SYNPR: variants seen among roughly 807,000 people sequenced by gnomAD.
SYNPR encodes the protein synaptoporin.
A neutral mutation model predicts 32.9 loss-of-function variants in SYNPR; 23 were observed. The observed-to-expected ratio is 0.70, with a 90% confidence interval of 0.50 to 0.99. The LOEUF is 0.99. SYNPR is among the 50% of genes least tolerant of loss of function. The pLI is 0.00. For synonymous variants in SYNPR, 146 were observed against 135.9 expected (o/e 1.07, Z -0.52); for missense variants, 318 against 349.3 (o/e 0.91, Z 0.71).
At chr3:63,233,517 A>T (rs1342424694) in intron 1 of SYNPR, among the ~76,000 whole-genome samples, 1 of 152,210 alleles carries the variant, frequency 6.6e-6, no homozygotes, top group Admixed American at 6.5e-5. Flanking sequence ...CACTGCCATT[A>T]CTAAATTCCA....
At chr3:63,330,236 C>T (rs1450380112) in intron 2 of SYNPR, 1 of 152,100 alleles carries the variant, frequency 6.6e-6, no homozygotes, top group African/African-American at 2.4e-5. Context: ...CTAGGTTCTA[C>T]TGGTGCATTC....
chr3:63,361,325 C>A (rs768064995), intron 2 of SYNPR, among the ~76,000 whole-genome samples: 2 of 151,976 alleles, frequency 1.3e-5, no homozygotes, highest in South Asian at 2.1e-4. Context: ...CGGTGGCTCA[C>A]GCCTGTAATC....
intron 2 of SYNPR, chr3:63,351,589 G>A (rs1560201579): frequency 6.6e-6 from 1 of 152,202 alleles, no homozygotes; most frequent in Admixed American, 6.5e-5. Context: ...ACTGAGGAAT[G>A]TTATCTGAGA....
At chr3:63,394,175 C>T (rs150924181) in intron 2 of SYNPR, among the ~76,000 whole-genome samples, 246 of 152,270 alleles carry the variant, frequency 1.6e-3, no homozygotes, top group Non-Finnish European at 2.3e-3. Flanking sequence ...ATAGGACAGA[C>T]CTGAATTCAA....
At chr3:63,397,802 C>T (rs1467257478) in intron 2 of SYNPR, among the ~76,000 whole-genome samples, 1 of 152,134 alleles carries the variant, frequency 6.6e-6, no homozygotes, top group Non-Finnish European at 1.5e-5. Flanking sequence ...ATAGCTTCCT[C>T]AAAAAATACG....
At chr3:63,251,165 T>C (rs930709459) in intron 1 of SYNPR, among the ~76,000 whole-genome samples, 1 of 151,774 alleles carries the variant, frequency 6.6e-6, no homozygotes, top group African/African-American at 2.4e-5. Flanking sequence ...AAAGCAAAAA[T>C]AAAACAAGGA....
intron 3 of SYNPR, among the ~76,000 whole-genome samples, chr3:63,481,320 A>G (rs757636605): frequency 2.6e-5 from 4 of 152,234 alleles, no homozygotes; most frequent in African/African-American, 7.2e-5. Flanking sequence ...TTTGAAATCA[A>G]CAAGAATGAC....
At chr3:63,483,793 G>A (rs1701092559) in intron 3 of SYNPR, among the ~76,000 whole-genome samples, 1 of 152,116 alleles carries the variant, frequency 6.6e-6, no homozygotes, top group South Asian at 2.1e-4. Context: ...AGACAACTCA[G>A]CAATTTGAAG....
chr3:63,386,700 G>T (rs1038016312), intron 2 of SYNPR, among the ~76,000 whole-genome samples: 19 of 151,858 alleles, frequency 1.3e-4, no homozygotes, highest in Non-Finnish European at 2.4e-4. Flanking sequence ...CTCAGTTCTG[G>T]GTGAATGACC....
At chr3:63,595,864 TA>T (rs1699948361) in intron 4 of SYNPR, among the ~76,000 whole-genome samples, 1 of 92,370 alleles carries the variant, frequency 1.1e-5, no homozygotes. Flanking sequence ...TATATAGTTA[TA>T]TATATATAAT....
chr3:63,520,894 G>A (rs1047114636), intron 3 of SYNPR, among the ~76,000 whole-genome samples: 6 of 150,890 alleles, frequency 4.0e-5, no homozygotes, highest in Non-Finnish European at 8.8e-5. Flanking sequence ...AGTCTAGCTT[G>A]ACTAGAGATG....
chr3:63,586,185 TGG>T (rs1349954583), intron 4 of SYNPR, among the ~76,000 whole-genome samples: 1 of 152,110 alleles, frequency 6.6e-6, no homozygotes, highest in East Asian at 1.9e-4. Context: ...GACAGAATAA[TGG>T]GTCTTCAATT....
rs527919492 is a variant in SYNPR at position 63,516,532 on chromosome 3, T to A, written c.209+35576T>A. On this transcript the variant is annotated intron_variant, in intron 3 of 5. Transcript: ENST00000478300. The stretch of plus-strand genomic sequence containing the variant: ...GAATATTAATGCTCCTTGACCATTA[T>A]ACAGTGCAGACATCGTAACCTCTCA... Among the ~76,000 whole-genome samples, 13 of 152,280 alleles carry A rather than the reference T, an allele frequency of 8.5e-5. No homozygotes were observed. In the South Asian group the frequency reaches 2.7e-3, roughly 32 times the overall value.
chr3:63,287,945 G>A (rs552285688), intron 2 of SYNPR, among the ~76,000 whole-genome samples: 5 of 152,260 alleles, frequency 3.3e-5, no homozygotes, highest in Admixed American at 6.5e-5. Flanking sequence ...TTGGGTTCAC[G>A]TCAATGAGCA....
At chr3:63,611,082 G>A (rs1044375444) in intron 5 of SYNPR, among the ~76,000 whole-genome samples, 1 of 152,124 alleles carries the variant, frequency 6.6e-6, no homozygotes, top group Non-Finnish European at 1.5e-5. Flanking sequence ...TGTTTTTGCA[G>A]TCCACTTCTG....
At chr3:63,436,253 G>A (rs4019053) in intron 2 of SYNPR, among the ~76,000 whole-genome samples, 21,243 of 151,256 alleles carry the variant, frequency 0.14, 1,649 homozygotes, top group East Asian at 0.32. Flanking sequence ...ACATATGTAT[G>A]CATGTGCCAG....
rs150299716 is a variant in SYNPR at position 63,298,916 on chromosome 3, A to G, written c.84+20174A>G. On this transcript the variant is annotated intron_variant, in intron 2 of 5. Coordinates refer to ENST00000478300, the MANE Select transcript of SYNPR (RefSeq NM_001130003.2). The stretch of plus-strand genomic sequence containing the variant: ...GCCCCTGTTTGCAAAAGAAGCAGGA[A>G]AATGTAATTTTCAGTTGGCATATTG... Among the ~76,000 whole-genome samples, 200 of 152,284 alleles carry G rather than the reference A, an allele frequency of 1.3e-3. 3 individuals are homozygous for G. The East Asian group carries it at 0.037, about 28-fold the overall frequency.
intron 2 of SYNPR, among the ~76,000 whole-genome samples, chr3:63,367,878 C>A (rs997706581): frequency 1.3e-5 from 2 of 152,130 alleles, no homozygotes; most frequent in Non-Finnish European, 1.5e-5. Flanking sequence ...TGATGATTTT[C>A]TGCAGGAAGT....
At chr3:63,376,812 T>C (rs534118087) in intron 2 of SYNPR, among the ~76,000 whole-genome samples, 1 of 152,214 alleles carries the variant, frequency 6.6e-6, no homozygotes, top group East Asian at 1.9e-4. Flanking sequence ...CTAGTTACTG[T>C]CTGATATTTT....
Sources: allele counts gnomAD v4.1 joint callset (sites outside exome capture counted in the v4.1 genomes callset), GRCh38; gene constraint gnomAD v4.1.1; transcripts MANE v1.5; gene names NCBI Gene and HGNC (gene_info 2026-07-23, HGNC 2026-07-21).